The following PGK2 variants were observed in gnomAD, a reference collection of about 807,000 sequenced individuals.
The protein encoded by PGK2 is epididymis secretory protein Li 272.
A neutral mutation model predicts 5.2 loss-of-function variants in PGK2; 5 were observed. The ratio of observed to expected loss-of-function variants is 0.96; its 90% confidence interval spans 0.50 to 2.01. The LOEUF (loss-of-function observed/expected upper bound fraction) is 2.01, where lower values mean the gene tolerates loss of function less well. Among genes scored for constraint, PGK2 ranks in the 30% most tolerant of loss-of-function variants. The pLI is 0.01. For missense variants in PGK2, 588 were observed against 506.8 expected (o/e 1.16, Z -1.54); for synonymous variants, 210 against 182.6 (o/e 1.15, Z -1.21).
rs192472722 is a variant in PGK2 at position 49,786,590 on chromosome 6, C to T, written c.598G>A (p.Ala200Thr). The change falls in exon 1 of 1, where the codon GCC becomes ACC. Residue 200 changes from alanine to threonine, a missense_variant. Transcript: ENST00000304801. ...MKKELDYFAK[A>T]LENPVRPFLA... ...AAGGGTCTCACTGGGTTTTCCAAGG[C>T]TTTAGCAAAGTAATCTAGTTCCTTC... 1 of 1,614,128 alleles carries T rather than the reference C, an allele frequency of 6.2e-7. No individual in the cohort carries two copies. The highest frequency in any genetic ancestry group is 8.5e-7 in the Non-Finnish European group (1 of 1,180,016).
chr6:49,786,280 A>G lies in PGK2; in HGVS notation c.908T>C (p.Val303Ala). The G allele has an allele frequency of 6.2e-7, 1 of 1,614,170 alleles. No individual in the cohort carries two copies. The highest frequency in any genetic ancestry group is 1.1e-5 in the South Asian group (1 of 91,082). Residue 303 changes from valine to alanine, a missense_variant, in exon 1 of 1, where the codon GTA becomes GCA. By Grantham distance (64) the Val-to-Ala change is moderately conservative (BLOSUM62 0). Coordinates refer to ENST00000304801, the MANE Select transcript of PGK2 (RefSeq NM_138733.5). ...CCAGCCAGGAGATATGCCAGATGCT[A>G]CAGTGGCTTTTCCAACCTGAGCGTT... ...DENAQVGKATVASGISPGWMG... is the reference protein window; with the variant it reads ...DENAQVGKATAASGISPGWMG...
rs928057956 is a variant in PGK2 at position 49,785,721 on chromosome 6, G to A, written c.*213C>T. 2 of 560,930 alleles carry A rather than the reference G, an allele frequency of 3.6e-6. No individual in the cohort carries two copies. Among genetic ancestry groups the A allele is most frequent in the African/African-American group, 3.7e-5 (2 of 53,398 alleles). 34.7% of individuals were successfully genotyped at this position (560,930 alleles called of 1,614,324 possible). A position where few individuals can be genotyped will look rare whatever the true frequency, so the allele number is the denominator to read the frequency against. ...TGTCCTCCCTAGATAGCACAATGGT[G>A]AAGTTCAAATGAGAACTTGAACAGG... is the stretch of plus-strand genomic sequence containing the variant. On this transcript the variant is annotated 3_prime_UTR_variant, in exon 1 of 1. Coordinates refer to ENST00000304801, the MANE Select transcript of PGK2 (RefSeq NM_138733.5).
Position 49,786,893 on chromosome 6 carries a change from A to G in PGK2, c.295T>C (p.Cys99Arg). Residue 99 changes from cysteine to arginine, a missense_variant, in exon 1 of 1, where the codon TGT (cysteine) becomes CGT (arginine). By Grantham distance (180) the Cys-to-Arg change is radical. Transcript: ENST00000304801. ...GCTTTCTCCACTTCTGCGCCTACAC[A>G]GTCCTTCAGGAACAGAACATCCTTG... ...LGKDVLFLKD[C>R]VGAEVEKACA... 1.9e-6 allele frequency: 3 copies of G among 1,614,116 alleles called. No individual in the cohort carries two copies. Among genetic ancestry groups the G allele is most frequent in the Non-Finnish European group, 2.5e-6 (3 of 1,180,026 alleles).
In PGK2 at chr6:49,786,235, G is replaced by A. The variant is rs779203149; in HGVS notation, c.953C>T (p.Pro318Leu). The stretch of plus-strand genomic sequence containing the variant: ...TTGAGCATGATTCTTGTTGCTCTCA[G>A]GACCACAGTCCAAACCCATCCAGCC... ...SPGWMGLDCG[P>L]ESNKNHAQVV... Residue 318 changes from proline (P) to leucine (L), a missense_variant, in exon 1 of 1, where the codon CCT becomes CTT. Coordinates refer to ENST00000304801, the MANE Select transcript of PGK2 (RefSeq NM_138733.5). 1.2e-6 allele frequency: 2 copies of A among 1,613,982 alleles called. No individual in the cohort carries two copies. Among genetic ancestry groups the A allele is most frequent in the Admixed American group, 3.3e-5 (2 of 59,982 alleles).
chr6:49,785,909 A>G lies in PGK2; in HGVS notation c.*25T>C, dbSNP rs772247144. 36 of 1,594,856 alleles carry G rather than the reference A, an allele frequency of 2.3e-5. No individual in the cohort carries two copies. Among genetic ancestry groups the G allele is most frequent in the Non-Finnish European group, 2.9e-5 (34 of 1,166,066 alleles). On this transcript the variant is annotated 3_prime_UTR_variant, in exon 1 of 1. Transcript: ENST00000304801. ...CTGACTTAAGGGCCATGGACAGAAA[A>G]CAGAAGGAAGTAACACTATATTAAC...
At position 49,786,589 on chromosome 6, in the gene PGK2, G is replaced by T. The variant is rs144580625; in HGVS notation, c.599C>A (p.Ala200Asp). The change falls in exon 1 of 1, where the codon GCC (alanine) becomes GAC (aspartate). Residue 200 changes from alanine (A) to aspartate (D), a missense_variant. Coordinates refer to ENST00000304801, the MANE Select transcript of PGK2 (RefSeq NM_138733.5). ...MKKELDYFAK[A>D]LENPVRPFLA... ...AAAGGGTCTCACTGGGTTTTCCAAGGCTTTAGCAAAGTAATCTAGTTCCTT... is the reference window on the plus strand; with the variant it reads ...AAAGGGTCTCACTGGGTTTTCCAAGTCTTTAGCAAAGTAATCTAGTTCCTT... 64 of 1,613,958 alleles carry T rather than the reference G, an allele frequency of 4.0e-5. No homozygotes were observed. Among genetic ancestry groups the T allele is most frequent in the Non-Finnish European group, 5.3e-5 (63 of 1,180,012 alleles).
In PGK2 at chr6:49,786,838, A is replaced by G. The variant is rs753831879; in HGVS notation, c.350T>C (p.Ile117Thr). The G allele has an allele frequency of 9.9e-6, 16 of 1,614,100 alleles. No individual in the cohort carries two copies. Among genetic ancestry groups the G allele is most frequent in the Non-Finnish European group, 1.3e-5 (15 of 1,180,010 alleles). ...ACANPAPGSV[I>T]LLENLRFHVE... is the part of the protein sequence containing the mutation. ...ATGAAAGCGCAGGTTCTCCAGCAGG[A>G]TGACTGAACCAGGAGCTGGGTTGGC... Residue 117 changes from isoleucine to threonine, a missense_variant, in exon 1 of 1, where the codon ATC (isoleucine) becomes ACC (threonine). Physicochemically the swap from Ile to Thr is moderately conservative, Grantham distance 89. Transcript: ENST00000304801.
At position 49,786,325 on chromosome 6, in the gene PGK2, G is replaced by A. The variant is rs867908055; in HGVS notation, c.863C>T (p.Thr288Ile). ...AGCGTTCTCGTCAAACTTGTCCCCA[G>A]TAACAAAATCAACAGGAAAAGTAAT... Reference protein sequence around the residue: ...VRITFPVDFVTGDKFDENAQV... With the variant: ...VRITFPVDFVIGDKFDENAQV... Residue 288 changes from threonine (T) to isoleucine (I), a missense_variant, in exon 1 of 1, where the codon ACT becomes ATT. Coordinates refer to ENST00000304801, the MANE Select transcript of PGK2 (RefSeq NM_138733.5). 2 of 1,614,014 alleles carry A rather than the reference G, an allele frequency of 1.2e-6. No homozygotes were observed. The highest frequency in any genetic ancestry group is 1.7e-5 in the Admixed American group (1 of 59,982).
Position 49,786,968 on chromosome 6 carries a change from C to T in PGK2, c.220G>A (p.Asp74Asn), listed in dbSNP as rs781630880. ...GCAACAGGTGCTAAGGAATATTTGT[C>T]AGGCATGGGAACACCATCAGGCCGA... ...LGRPDGVPMP[D>N]KYSLAPVAVE... The change falls in exon 1 of 1, where the codon GAC becomes AAC. Residue 74 changes from aspartate to asparagine, a missense_variant. Coordinates refer to ENST00000304801, the MANE Select transcript of PGK2 (RefSeq NM_138733.5). 3.3e-5 allele frequency: 53 copies of T among 1,613,968 alleles called. No homozygotes were observed. Among genetic ancestry groups the T allele is most frequent in the Middle Eastern group, 1.6e-4 (1 of 6,084 alleles).
At position 49,785,938 on chromosome 6, in the gene PGK2, A is replaced by G; in HGVS notation, c.1250T>C (p.Met417Thr). The G allele has an allele frequency of 6.2e-7, 1 of 1,613,162 alleles. No homozygotes were observed. The highest frequency in any genetic ancestry group is 8.5e-7 in the Non-Finnish European group (1 of 1,179,292). The change falls in exon 1 of 1, where the codon ATG (methionine) becomes ACG (threonine). Residue 417 changes from methionine to threonine, a missense_variant. By Grantham distance (81) the Met-to-Thr change is moderately conservative. Transcript: ENST00000304801. The part of the protein sequence containing the change: ...ILPGVEALSN[M>T] Reference sequence around the variant, plus strand: ...AAGGAAGTAACACTATATTAACTACATGTTGCTGAGGGCCTCTACTCCAGG... The same window carrying G: ...AAGGAAGTAACACTATATTAACTACGTGTTGCTGAGGGCCTCTACTCCAGG...
chr6:49,786,256 C>T lies in PGK2; in HGVS notation c.932G>A (p.Trp311Ter). Residue 311 changes from tryptophan (W) to a stop codon, truncating the protein, a stop_gained, in exon 1 of 1, where the codon TGG (tryptophan) becomes TAG (stop). Coordinates refer to ENST00000304801, the MANE Select transcript of PGK2 (RefSeq NM_138733.5). LOFTEE classifies it low-confidence loss of function (END_TRUNC). Reference protein sequence around the residue: ...ATVASGISPGWMGLDCGPESN... With the variant: ...ATVASGISPG Reference sequence around the variant, plus strand: ...CTCAGGACCACAGTCCAAACCCATCCAGCCAGGAGATATGCCAGATGCTAC... The same window carrying T: ...CTCAGGACCACAGTCCAAACCCATCTAGCCAGGAGATATGCCAGATGCTAC... 1 of 1,614,182 alleles carries T rather than the reference C, an allele frequency of 6.2e-7. No individual in the cohort carries two copies. The highest frequency in any genetic ancestry group is 8.5e-7 in the Non-Finnish European group (1 of 1,180,040).
chr6:49,785,978 C>T lies in PGK2; in HGVS notation c.1210G>A (p.Glu404Lys). Reference sequence around the variant, plus strand: ...TCTACTCCAGGAAGGATTTTACCTTCCAGAAGCTCTAGACTGGCACCGCCT... The same window carrying T: ...TCTACTCCAGGAAGGATTTTACCTTTCAGAAGCTCTAGACTGGCACCGCCT... ...TGGGASLELL[E>K]GKILPGVEAL... Residue 404 changes from glutamate (E) to lysine (K), a missense_variant, in exon 1 of 1, where the codon GAA becomes AAA. Coordinates refer to ENST00000304801, the MANE Select transcript of PGK2 (RefSeq NM_138733.5). 6.2e-7 allele frequency: 1 copy of T among 1,614,094 alleles called. No homozygotes were observed. The highest frequency in any genetic ancestry group is 1.1e-5 in the South Asian group (1 of 91,082).
At position 49,787,130 on chromosome 6, in the gene PGK2, T is replaced by C. The variant is rs1769929673; in HGVS notation, c.58A>G (p.Ile20Val). Residue 20 changes from isoleucine to valine, a missense_variant, in exon 1 of 1, where the codon ATC becomes GTC. Coordinates refer to ENST00000304801, the MANE Select transcript of PGK2 (RefSeq NM_138733.5). Reference sequence around the variant, plus strand: ...GGAACATTGAAGTCTACTCTCATGATGACTCGCTTCCCTCTAACATCCAGT... The same window carrying C: ...GGAACATTGAAGTCTACTCTCATGACGACTCGCTTCCCTCTAACATCCAGT... Reference protein sequence around the residue: ...DKLDVRGKRVIMRVDFNVPMK... With the variant: ...DKLDVRGKRVVMRVDFNVPMK... 1.2e-6 allele frequency: 2 copies of C among 1,613,460 alleles called. No homozygotes were observed. The highest frequency in any genetic ancestry group is 1.1e-5 in the South Asian group (1 of 91,070).
rs776539984 is a variant in PGK2 at position 49,786,516 on chromosome 6, G to T, written c.672C>A (p.Ile224=). Residue 224 remains isoleucine, a synonymous_variant, in exon 1 of 1, where the codon ATC becomes ATA. Coordinates refer to ENST00000304801, the MANE Select transcript of PGK2 (RefSeq NM_138733.5). ...CATTGACTTTGTCCAGCATATTTTT[G>T]ATAAGTTGGATCTTGTCTGCCACTT... ...GAKVADKIQL[I]KNMLDKVNEM... The T allele has an allele frequency of 6.2e-7, 1 of 1,614,060 alleles. No individual in the cohort carries two copies. Among genetic ancestry groups the T allele is most frequent in the Non-Finnish European group, 8.5e-7 (1 of 1,179,978 alleles).
chr6:49,787,142 C>G lies in PGK2; in HGVS notation c.46G>C (p.Gly16Arg). Residue 16 changes from glycine to arginine, a missense_variant, in exon 1 of 1, where the codon GGG (glycine) becomes CGG (arginine). By Grantham distance (125) the Gly-to-Arg change is moderately radical. Coordinates refer to ENST00000304801, the MANE Select transcript of PGK2 (RefSeq NM_138733.5). ...TCTACTCTCATGATGACTCGCTTCC[C>G]TCTAACATCCAGTTTGTCTAAAGTC... The part of the protein sequence containing the change: ...KLTLDKLDVR[G>R]KRVIMRVDFN... The G allele has an allele frequency of 6.2e-7, 1 of 1,613,664 alleles. No individual in the cohort carries two copies. Among genetic ancestry groups the G allele is most frequent in the Non-Finnish European group, 8.5e-7 (1 of 1,179,632 alleles).
chr6:49,786,924 C>A lies in PGK2; in HGVS notation c.264G>T (p.Leu88Phe). 2 of 1,614,068 alleles carry A rather than the reference C, an allele frequency of 1.2e-6. No individual in the cohort carries two copies. Among genetic ancestry groups the A allele is most frequent in the Non-Finnish European group, 1.7e-6 (2 of 1,180,000 alleles). Reference protein sequence around the residue: ...LAPVAVELKSLLGKDVLFLKD... With the variant: ...LAPVAVELKSFLGKDVLFLKD... ...TCAGGAACAGAACATCCTTGCCCAG[C>A]AAGGATTTGAGCTCAACAGCAACAG... The change falls in exon 1 of 1, where the codon TTG becomes TTT. Residue 88 changes from leucine to phenylalanine, a missense_variant. By Grantham distance (22) the Leu-to-Phe change is conservative. Transcript: ENST00000304801.
Position 49,786,589 on chromosome 6 carries a change from G to C in PGK2, c.599C>G (p.Ala200Gly). 6.2e-7 allele frequency: 1 copy of C among 1,614,076 alleles called. No individual in the cohort carries two copies. The highest frequency in any genetic ancestry group is 1.1e-5 in the South Asian group (1 of 91,068). Reference sequence around the variant, plus strand: ...AAAGGGTCTCACTGGGTTTTCCAAGGCTTTAGCAAAGTAATCTAGTTCCTT... The same window carrying C: ...AAAGGGTCTCACTGGGTTTTCCAAGCCTTTAGCAAAGTAATCTAGTTCCTT... ...MKKELDYFAKALENPVRPFLA... is the reference protein window; with the variant it reads ...MKKELDYFAKGLENPVRPFLA... The change falls in exon 1 of 1, where the codon GCC (alanine) becomes GGC (glycine). Residue 200 changes from alanine (A) to glycine (G), a missense_variant. Coordinates refer to ENST00000304801, the MANE Select transcript of PGK2 (RefSeq NM_138733.5).
At position 49,787,095 on chromosome 6, in the gene PGK2, C is replaced by A; in HGVS notation, c.93G>T (p.Lys31Asn). ...MRVDFNVPMK[K>N]NQITNNQRIK... ...TCCTCTGGTTGTTTGTAATCTGGTTCTTCTTCATGGGAACATTGAAGTCTA... is the reference window on the plus strand; with the variant it reads ...TCCTCTGGTTGTTTGTAATCTGGTTATTCTTCATGGGAACATTGAAGTCTA... Residue 31 changes from lysine (K) to asparagine (N), a missense_variant, in exon 1 of 1, where the codon AAG (lysine) becomes AAT (asparagine). Lys to Asn is a moderately conservative substitution (Grantham distance 94). Transcript: ENST00000304801. 6.2e-7 allele frequency: 1 copy of A among 1,613,952 alleles called. No homozygotes were observed. Among genetic ancestry groups the A allele is most frequent in the Non-Finnish European group, 8.5e-7 (1 of 1,179,908 alleles).
chr6:49,785,926 T>C lies in PGK2; in HGVS notation c.*8A>G, dbSNP rs777150729. The C allele has an allele frequency of 9.3e-6, 15 of 1,610,300 alleles. No individual in the cohort carries two copies. The highest frequency in any genetic ancestry group is 1.2e-5 in the Non-Finnish European group (14 of 1,177,156). On this transcript the variant is annotated 3_prime_UTR_variant, in exon 1 of 1. Coordinates refer to ENST00000304801, the MANE Select transcript of PGK2 (RefSeq NM_138733.5). ...GACAGAAAACAGAAGGAAGTAACAC[T>C]ATATTAACTACATGTTGCTGAGGGC...
Sources: gnomAD v4.1 joint callset for allele counts on GRCh38, gnomAD v4.1.1 for gene constraint, MANE v1.5 for transcripts, NCBI Gene and HGNC (gene_info 2026-07-23, HGNC 2026-07-21) for gene names.